The following SMG1 variants were observed in gnomAD, a reference collection of about 807,000 sequenced individuals.
The protein encoded by SMG1 is SMG1 nonsense mediated mRNA decay associated PI3K related kinase, also known as serine/threonine-protein kinase SMG1.
SMG1 carries 22 observed loss-of-function variants against 419.9 expected under a neutral mutation model. The observed-to-expected ratio is 0.05, with a 90% confidence interval of 0.04 to 0.07. The LOEUF is 0.07. Among genes scored for constraint, SMG1 ranks in the 10% least tolerant of loss-of-function variants. The probability of loss-of-function intolerance (pLI) is 1.00; values close to 1 mark genes in which losing one functional copy is unlikely to be tolerated. For missense variants in SMG1, 3,185 were observed against 4,342.0 expected, an observed-to-expected ratio of 0.73 and a Z score of 7.49; for synonymous variants, 1,538 against 1,553.5, an observed-to-expected ratio of 0.99 and a Z score of 0.23.
At chr16:18,872,726 T>G in intron 13 of SMG1, 102 bp from the exon 14 acceptor site, 1 of 1,075,088 alleles carries the variant, frequency 9.3e-7, no homozygotes, top group Non-Finnish European at 1.3e-6. Flanking sequence ...ATTTTTAAAT[T>G]AAAATTACAG....
At chr16:18,820,073 C>T (rs1161809732) in intron 55 of SMG1, among the ~76,000 whole-genome samples, 1 of 152,168 alleles carries the variant, frequency 6.6e-6, no homozygotes, top group African/African-American at 2.4e-5. Context: ...TCAAGCGATT[C>T]TCCTGCCTCA....
At chr16:18,913,375 G>A (rs867072191) in intron 1 of SMG1, among the ~76,000 whole-genome samples, 17 of 151,996 alleles carry the variant, frequency 1.1e-4, no homozygotes, top group Middle Eastern at 6.8e-3. Flanking sequence ...TCAAACACAC[G>A]TATCACACAT....
chr16:18,833,235 A>G, intron 50 of SMG1, 69 bp from the exon 51 acceptor site: 2 of 1,233,580 alleles, frequency 1.6e-6, no homozygotes, highest in Non-Finnish European at 2.3e-6. Flanking sequence ...TTGGAGACTT[A>G]GAGCCATACA....
At chr16:18,868,855 T>C (rs1372467934) in intron 20 of SMG1, 136 bp from the exon 21 acceptor site, 1 of 645,990 alleles carries the variant, frequency 1.5e-6, no homozygotes, top group East Asian at 2.8e-5. Context: ...AATCCCAACA[T>C]GAAAGATCTT....
In SMG1 at chr16:18,872,490, G is replaced by T. The variant is rs1380128473; in HGVS notation, c.2021+4C>A. 3.2e-6 allele frequency: 5 copies of T among 1,539,664 alleles called. No homozygotes were observed. Among genetic ancestry groups the T allele is most frequent in the Non-Finnish European group, 4.3e-6 (5 of 1,156,192 alleles). On this transcript the variant is annotated splice_donor_region_variant and intron_variant, in intron 14 of 62. Transcript: ENST00000446231. ...TTCTTAAGAAAAATTTGTAAATACAGTACCTGGTACAATGAGAATACAATG... is the reference window on the plus strand; with the variant it reads ...TTCTTAAGAAAAATTTGTAAATACATTACCTGGTACAATGAGAATACAATG...
chr16:18,924,982 C>T (rs920478309), intron 1 of SMG1: 2 of 152,032 alleles, frequency 1.3e-5, no homozygotes, highest in Non-Finnish European at 2.9e-5. Flanking sequence ...AACAATTGTG[C>T]TCCAAAGTAG....
At chr16:18,872,753 T>C in intron 13 of SMG1, 129 bp from the exon 14 acceptor site, 2 of 797,168 alleles carry the variant, frequency 2.5e-6, no homozygotes, top group South Asian at 1.8e-5. Flanking sequence ...AGGGATCTAG[T>C]ACACTAAACC....
intron 33 of SMG1, 124 bp downstream of exon 33, chr16:18,851,943 A>C: frequency 9.8e-7 from 1 of 1,024,268 alleles, no homozygotes; most frequent in Admixed American, 3.3e-5. Flanking sequence ...AAAATGCAGA[A>C]GTTTTTATTT....
chr16:18,863,893 A>G (rs1373326995), intron 24 of SMG1, 42 bp from the exon 25 acceptor site: 1 of 1,591,888 alleles, frequency 6.3e-7, no homozygotes, highest in Admixed American at 1.7e-5. Flanking sequence ...GATTCAGATC[A>G]GTTAGAAATA....
chr16:18,896,997 C>G (rs894005147), intron 1 of SMG1, 41 bp from the exon 2 acceptor site: 30 of 1,351,350 alleles, frequency 2.2e-5, no homozygotes, highest in Middle Eastern at 5.2e-4. Context: ...CTTTAAATAA[C>G]ATAAATAAAT....
intron 60 of SMG1, 72 bp from the exon 61 acceptor site, chr16:18,812,199 G>A (rs2031477199): frequency 2.8e-6 from 4 of 1,446,470 alleles, no homozygotes; most frequent in African/African-American, 1.4e-5. Flanking sequence ...GAGCAAGCAC[G>A]GGATAGGTGG....
intron 55 of SMG1, among the ~76,000 whole-genome samples, chr16:18,820,273 G>C (rs1243386719): frequency 6.7e-6 from 1 of 150,118 alleles, no homozygotes; most frequent in African/African-American, 2.5e-5. Context: ...TACTATCTTG[G>C]CTCACTGCAA....
intron 1 of SMG1, among the ~76,000 whole-genome samples, chr16:18,920,444 G>A (rs1039386929): frequency 1.1e-4 from 16 of 151,324 alleles, no homozygotes; most frequent in African/African-American, 3.2e-4. Context: ...CAATTACTAA[G>A]TGTTTCATAA....
chr16:18,862,704 A>G (rs566591619), intron 25 of SMG1, among the ~76,000 whole-genome samples: 27 of 152,280 alleles, frequency 1.8e-4, no homozygotes, highest in African/African-American at 5.1e-4. Context: ...GTCAGATCAC[A>G]ACACATCTCT....
chr16:18,874,975 G>A (rs1409035423), intron 13 of SMG1: 1 of 131,080 alleles, frequency 7.6e-6, no homozygotes, highest in Non-Finnish European at 1.5e-5. Context: ...CTTGGGACCA[G>A]AAGTGTTTCA....
In SMG1 at chr16:18,842,443, A is replaced by G. The variant is rs758412306; in HGVS notation, c.6231T>C (p.Ser2077=). The change falls in exon 40 of 63, where the codon AGT becomes AGC. Residue 2077 remains serine (S), a synonymous_variant. Coordinates refer to ENST00000446231, the MANE Select transcript of SMG1 (RefSeq NM_015092.5). ...SWIPFKEIML[S]LQQRAQKRAS... ...CACGTTTCTGTGCTCTCTGTTGCAAACTTAGCATTATCTATATTCATAAGA... is the reference window on the plus strand; with the variant it reads ...CACGTTTCTGTGCTCTCTGTTGCAAGCTTAGCATTATCTATATTCATAAGA... The G allele has an allele frequency of 6.2e-7, 1 of 1,613,602 alleles. No individual in the cohort carries two copies. Among genetic ancestry groups the G allele is most frequent in the South Asian group, 1.1e-5 (1 of 91,064 alleles).
intron 13 of SMG1, among the ~76,000 whole-genome samples, 159 bp from the exon 14 acceptor site, chr16:18,872,783 T>C (rs2035893828): frequency 6.6e-6 from 1 of 152,232 alleles, no homozygotes; most frequent in Non-Finnish European, 1.5e-5. Context: ...CACTTTTTTA[T>C]GAAGTCAGTA....
At chr16:18,833,257 C>T (rs78894267) in intron 50 of SMG1, 91 bp from the exon 51 acceptor site, 1 of 840,888 alleles carries the variant, frequency 1.2e-6, no homozygotes, top group South Asian at 1.8e-5. Flanking sequence ...TAAGAGCAAA[C>T]TTATGTAACT....
chr16:18,812,615 C>CACACACATATAT (rs2031546674), intron 60 of SMG1, among the ~76,000 whole-genome samples: 1 of 73,078 alleles, frequency 1.4e-5, no homozygotes, highest in Non-Finnish European at 3.1e-5. Context: ...TATATACATA[C>CACACACATATAT]ACACATATAT....
Sources: allele counts gnomAD v4.1 joint callset (sites outside exome capture counted in the v4.1 genomes callset), GRCh38; gene constraint gnomAD v4.1.1; transcripts MANE v1.5; gene names NCBI Gene and HGNC (gene_info 2026-07-23, HGNC 2026-07-21).